GMDS: variants seen among roughly 807,000 people sequenced by gnomAD.
The protein encoded by GMDS is GDP-mannose 4,6 dehydratase.
Under a neutral mutation model 49.9 loss-of-function variants are expected in GMDS, and 20 were observed. That is an observed-to-expected ratio of 0.40 (90% CI 0.28 to 0.58). GMDS has a LOEUF of 0.58. Ranked by LOEUF, GMDS falls within the 20% of genes least tolerant of loss-of-function variation. The pLI is 0.42. For missense variants in GMDS, 362 were observed against 481.4 expected, an observed-to-expected ratio of 0.75 and a Z score of 2.32; for synonymous variants, 177 against 178.6, an observed-to-expected ratio of 0.99 and a Z score of 0.07.
At chr6:2,235,921 C>T (rs529270916) in intron 1 of GMDS, among the ~76,000 whole-genome samples, 1 of 151,958 alleles carries the variant, frequency 6.6e-6, no homozygotes, top group African/African-American at 2.4e-5. Flanking sequence ...AGCCAGTTCT[C>T]TATGGGTCTC....
At chr6:1,788,401 G>A (rs1296676222) in intron 7 of GMDS, among the ~76,000 whole-genome samples, 3 of 152,204 alleles carry the variant, frequency 2.0e-5, no homozygotes, top group Non-Finnish European at 4.4e-5. Flanking sequence ...AATTCTGGGG[G>A]CATTTTGTTG....
At chr6:1,942,135 T>G (rs150499858) in intron 6 of GMDS, among the ~76,000 whole-genome samples, 1,647 of 152,298 alleles carry the variant, frequency 0.011, 7 homozygotes, top group Non-Finnish European at 0.016. Flanking sequence ...TCTAGTTCGC[T>G]TCTCCTTTTA....
chr6:2,169,860 G>A (rs752927795), intron 1 of GMDS, among the ~76,000 whole-genome samples: 1 of 152,098 alleles, frequency 6.6e-6, no homozygotes. Context: ...ATCAATTACT[G>A]CTTTAAGGGT....
At chr6:1,684,307 G>A (rs79757965) in intron 9 of GMDS, among the ~76,000 whole-genome samples, 31,464 of 152,028 alleles carry the variant, frequency 0.21, 3,565 homozygotes, top group East Asian at 0.49. Flanking sequence ...CCTGAGCCTG[G>A]CCACAGACAT....
At chr6:1,692,215 T>C (rs1054536685) in intron 9 of GMDS, among the ~76,000 whole-genome samples, 1 of 152,262 alleles carries the variant, frequency 6.6e-6, no homozygotes, top group Non-Finnish European at 1.5e-5. Context: ...GGCCACAGAC[T>C]GAAGGCTGCA....
chr6:2,102,237 A>T (rs1210247388), intron 4 of GMDS, among the ~76,000 whole-genome samples: 1 of 152,146 alleles, frequency 6.6e-6, no homozygotes, highest in African/African-American at 2.4e-5. Flanking sequence ...AAAAACTATA[A>T]AGTGTATCAT....
At chr6:1,772,520 T>C (rs1768621827) in intron 7 of GMDS, among the ~76,000 whole-genome samples, 1 of 152,238 alleles carries the variant, frequency 6.6e-6, no homozygotes, top group Non-Finnish European at 1.5e-5. Context: ...TTCTACTTAT[T>C]TCTTCAATTA....
At chr6:2,108,654 C>T (rs1290548874) in intron 4 of GMDS, among the ~76,000 whole-genome samples, 1 of 152,088 alleles carries the variant, frequency 6.6e-6, no homozygotes, top group Non-Finnish European at 1.5e-5. Context: ...TTCATTTCAC[C>T]GTAGTAAACA....
intron 4 of GMDS, among the ~76,000 whole-genome samples, chr6:2,104,608 C>T (rs57366578): frequency 0.14 from 20,702 of 152,030 alleles, 3,814 homozygotes; most frequent in African/African-American, 0.42. Context: ...CCTACACAAA[C>T]GTAAAGCTTA....
chr6:2,191,312 C>G lies in GMDS; in HGVS notation c.102+54009G>C, dbSNP rs1046038852. 1.3e-5 allele frequency among the ~76,000 whole-genome samples: 2 copies of G among 152,046 alleles called. No homozygotes were observed. Among genetic ancestry groups the G allele is most frequent in the East Asian group, 1.9e-4 (1 of 5,174 alleles). On this transcript the variant is annotated intron_variant, in intron 1 of 10. Transcript: ENST00000380815. The surrounding 1 kb of genome is among the most constrained non-coding windows in gnomAD (Gnocchi z 4.6). The stretch of plus-strand genomic sequence containing the variant: ...AGGCTGCCCCTGAGTGCGGGGGCCA[C>G]GGGGGAGCTCACAGTGATGTCCCTG...
chr6:2,101,615 G>T (rs1390880519), intron 4 of GMDS, among the ~76,000 whole-genome samples: 2 of 152,030 alleles, frequency 1.3e-5, no homozygotes, highest in East Asian at 3.9e-4. Flanking sequence ...CAAGAAAGAC[G>T]AAATATGAGC....
At chr6:1,930,063 G>A in intron 7 of GMDS, 40 bp downstream of exon 7, 2 of 1,556,346 alleles carry the variant, frequency 1.3e-6, no homozygotes. Context: ...AATATCAATG[G>A]ATACGGGTAT....
chr6:1,844,071 A>G (rs1289729865), intron 7 of GMDS, among the ~76,000 whole-genome samples: 1 of 152,214 alleles, frequency 6.6e-6, no homozygotes, highest in Non-Finnish European at 1.5e-5. Flanking sequence ...TACTTACGGA[A>G]TATCTATCAT....
chr6:1,648,687 T>C (rs1383066654), intron 9 of GMDS, among the ~76,000 whole-genome samples: 5 of 152,242 alleles, frequency 3.3e-5, no homozygotes, highest in Middle Eastern at 3.2e-3. Flanking sequence ...TAATCATACA[T>C]TGTCTAGCTA....
In GMDS at chr6:1,965,752, G is replaced by A. The variant is rs2628453; in HGVS notation, c.346-4786C>T. 3.8e-3 allele frequency among the ~76,000 whole-genome samples: 581 copies of A among 152,248 alleles called. 3 individuals carry two copies. Among genetic ancestry groups the A allele is most frequent in the African/African-American group, 0.013 (527 of 41,538 alleles). ...AGAGGCTGAAGCAGAAGGATTACTCGAACCCAGGAGGTTGAGGCTCCAGTG... is the reference window on the plus strand; with the variant it reads ...AGAGGCTGAAGCAGAAGGATTACTCAAACCCAGGAGGTTGAGGCTCCAGTG... On this transcript the variant is annotated intron_variant, in intron 4 of 10. Transcript: ENST00000380815.
At chr6:2,076,192 T>C (rs1025088136) in intron 4 of GMDS, among the ~76,000 whole-genome samples, 4 of 152,080 alleles carry the variant, frequency 2.6e-5, no homozygotes, top group African/African-American at 9.7e-5. Context: ...TTTTCTCCCA[T>C]TCTGTAGGTT....
intron 1 of GMDS, among the ~76,000 whole-genome samples, chr6:2,231,256 A>G (rs1208541453): frequency 1.3e-5 from 2 of 151,980 alleles, no homozygotes; most frequent in African/African-American, 4.8e-5. Context: ...ATTCTTTGTG[A>G]GGTATGAAAA....
At chr6:2,088,108 A>G (rs1581633399) in intron 4 of GMDS, among the ~76,000 whole-genome samples, 1 of 123,462 alleles carries the variant, frequency 8.1e-6, no homozygotes, top group Admixed American at 7.6e-5. Flanking sequence ...TGTAGAAAGT[A>G]AAAAAAAAAA....
chr6:1,717,939 G>A (rs1383338018), intron 9 of GMDS, among the ~76,000 whole-genome samples: 1 of 152,154 alleles, frequency 6.6e-6, no homozygotes, highest in African/African-American at 2.4e-5. Context: ...CTTGGATTGA[G>A]ATGAAGTAAT....
Sources: allele counts gnomAD v4.1 joint callset (sites outside exome capture counted in the v4.1 genomes callset), GRCh38; gene constraint gnomAD v4.1.1; non-coding constraint Gnocchi (gnomAD v3.1); transcripts MANE v1.5; gene names NCBI Gene and HGNC (gene_info 2026-07-23, HGNC 2026-07-21).